CDC42BPB: variants seen among roughly 807,000 people sequenced by gnomAD.
The protein encoded by CDC42BPB is CDC42 binding protein kinase beta, also known as serine/threonine-protein kinase MRCK beta.
CDC42BPB carries 37 observed loss-of-function variants against 214.9 expected under a neutral mutation model. That is an observed-to-expected ratio of 0.17 (90% CI 0.13 to 0.23). The LOEUF (loss-of-function observed/expected upper bound fraction) is 0.23, where lower values mean the gene tolerates loss of function less well. Among genes scored for constraint, CDC42BPB ranks in the 10% least tolerant of loss-of-function variants. The probability of loss-of-function intolerance (pLI) is 1.00; values close to 1 mark genes in which losing one functional copy is unlikely to be tolerated. For synonymous variants in CDC42BPB, 931 were observed against 884.0 expected, an observed-to-expected ratio of 1.05 and a Z score of -0.94; for missense variants, 1,694 against 2,227.0, an observed-to-expected ratio of 0.76 and a Z score of 4.82.
chr14:103,043,261 CAAAT>C (rs1888109112), intron 1 of CDC42BPB, among the ~76,000 whole-genome samples: 4 of 152,140 alleles, frequency 2.6e-5, no homozygotes, highest in South Asian at 2.1e-4. Flanking sequence ...ACAAAAACAC[CAAAT>C]AAATAAACAA....
intron 25 of CDC42BPB, 92 bp downstream of exon 25, chr14:102,950,374 C>A: frequency 6.6e-7 from 1 of 1,514,844 alleles, no homozygotes. Context: ...CCTGCCGCAG[C>A]AAGGGGCTGC....
At chr14:103,021,183 G>T (rs1055409306) in intron 1 of CDC42BPB, among the ~76,000 whole-genome samples, 1 of 152,190 alleles carries the variant, frequency 6.6e-6, no homozygotes, top group Non-Finnish European at 1.5e-5. Flanking sequence ...GGATGTGGCC[G>T]CGTGCAGTGG....
intron 5 of CDC42BPB, among the ~76,000 whole-genome samples, chr14:102,999,168 G>A (rs1595126577): frequency 1.1e-4 from 1 of 8,712 alleles, no homozygotes; most frequent in Non-Finnish European, 2.2e-4. Context: ...GGACCCCGGG[G>A]CCCACGTGAG....
intron 5 of CDC42BPB, among the ~76,000 whole-genome samples, chr14:102,996,515 C>A (rs1479638026): frequency 6.6e-6 from 1 of 151,934 alleles, no homozygotes; most frequent in African/African-American, 2.4e-5. Flanking sequence ...AATGTTAAAA[C>A]CTATACTAAC....
chr14:103,022,931 A>C (rs932669228), intron 1 of CDC42BPB, among the ~76,000 whole-genome samples: 12 of 152,032 alleles, frequency 7.9e-5, no homozygotes, highest in African/African-American at 2.9e-4. Flanking sequence ...AGTCCACACC[A>C]GTTCTCTTAA....
intron 1 of CDC42BPB, among the ~76,000 whole-genome samples, chr14:103,054,006 A>G (rs1305902364): frequency 1.3e-5 from 2 of 151,722 alleles, no homozygotes; most frequent in Non-Finnish European, 2.9e-5. Flanking sequence ...ATGCCCAGCT[A>G]ATTTTTATAT....
At chr14:102,986,275 G>A in intron 6 of CDC42BPB, 1 of 492,986 alleles carries the variant, frequency 2.0e-6, no homozygotes, top group Non-Finnish European at 3.7e-6. Context: ...TATTACTTTT[G>A]TAAACATAAA....
intron 28 of CDC42BPB, 23 bp from the exon 29 acceptor site, chr14:102,945,747 C>T (rs776208072): frequency 1.2e-6 from 2 of 1,610,772 alleles, no homozygotes; most frequent in Non-Finnish European, 1.7e-6. Flanking sequence ...AAGTAACATA[C>T]ACAAAGTCAG....
rs900057276 is a variant in CDC42BPB at position 102,974,689 on chromosome 14, G to A, written c.1508-540C>T. On this transcript the variant is annotated intron_variant, in intron 11 of 36. Coordinates refer to ENST00000361246, the MANE Select transcript of CDC42BPB (RefSeq NM_006035.4). ...TGATTGGAGCCAGGCCAGGCGCAGC[G>A]GCTCACGCCTGTAATCCCAGCACTT... 8.5e-5 allele frequency among the ~76,000 whole-genome samples: 13 copies of A among 152,214 alleles called. No homozygotes were observed. The South Asian group carries it at 1.0e-3, about 12-fold the overall frequency.
chr14:102,978,405 T>C (rs1200591268), intron 8 of CDC42BPB, 200 bp from the exon 9 acceptor site: 2 of 889,230 alleles, frequency 2.2e-6, no homozygotes, highest in Non-Finnish European at 2.7e-6. Flanking sequence ...GTACGCTGTA[T>C]GTACAATAAA....
chr14:103,035,689 A>C (rs1243252857), intron 1 of CDC42BPB, among the ~76,000 whole-genome samples: 1 of 151,982 alleles, frequency 6.6e-6, no homozygotes. Flanking sequence ...AAATACAAAA[A>C]ACTAGCTGGA....
At chr14:103,020,383 C>T (rs533357636) in intron 1 of CDC42BPB, among the ~76,000 whole-genome samples, 3 of 152,176 alleles carry the variant, frequency 2.0e-5, no homozygotes, top group African/African-American at 7.2e-5. Flanking sequence ...GCTACCACTC[C>T]GTCCCTTCAA....
intron 1 of CDC42BPB, among the ~76,000 whole-genome samples, chr14:103,040,383 T>C (rs1409758444): frequency 2.0e-5 from 3 of 152,128 alleles, no homozygotes; most frequent in Non-Finnish European, 4.4e-5. Context: ...GCAAACTTTA[T>C]GTATTTTTAC....
At chr14:103,045,612 C>T (rs1401828466) in intron 1 of CDC42BPB, among the ~76,000 whole-genome samples, 3 of 152,172 alleles carry the variant, frequency 2.0e-5, no homozygotes, top group Non-Finnish European at 4.4e-5. Flanking sequence ...TGTACAGCCA[C>T]GAGAGAAAAA....
chr14:102,945,209 C>G, intron 29 of CDC42BPB: 1 of 457,390 alleles, frequency 2.2e-6, no homozygotes, highest in Non-Finnish European at 4.4e-6. Context: ...GGATGCTCCC[C>G]TGGGCCCCTG....
At chr14:103,011,688 T>A (rs1250561347) in intron 2 of CDC42BPB, among the ~76,000 whole-genome samples, 1 of 151,966 alleles carries the variant, frequency 6.6e-6, no homozygotes, top group Non-Finnish European at 1.5e-5. Context: ...AGGTTGCCGT[T>A]AGCCAAGATC....
chr14:102,961,362 T>C (rs1892951260), intron 20 of CDC42BPB, among the ~76,000 whole-genome samples: 1 of 151,420 alleles, frequency 6.6e-6, no homozygotes, highest in Non-Finnish European at 1.5e-5. Flanking sequence ...ACAGACGGAA[T>C]CTGGCTCTGT....
In CDC42BPB at chr14:102,967,173, G is replaced by A. The variant is rs1893247512; in HGVS notation, c.2347-3C>T. The stretch of plus-strand genomic sequence containing the variant: ...AGTTTATCCACAAAGGAACAGAGCT[G>A]AAATGAAACAATTTCACCACAGAAC... On this transcript the variant is annotated splice_region_variant and splice_polypyrimidine_tract_variant and intron_variant, in intron 16 of 36. Coordinates refer to ENST00000361246, the MANE Select transcript of CDC42BPB (RefSeq NM_006035.4). The A allele has an allele frequency of 6.2e-7, 1 of 1,609,664 alleles. No homozygotes were observed. The highest frequency in any genetic ancestry group is 8.5e-7 in the Non-Finnish European group (1 of 1,176,438).
chr14:102,975,158 A>G (rs1467884857), intron 11 of CDC42BPB, among the ~76,000 whole-genome samples: 1 of 152,226 alleles, frequency 6.6e-6, no homozygotes, highest in Non-Finnish European at 1.5e-5. Context: ...AGCAGAAAAT[A>G]GCCAGAGAAC....
Sources: gnomAD v4.1 joint callset for allele counts (sites outside exome capture counted in the v4.1 genomes callset) on GRCh38, gnomAD v4.1.1 for gene constraint, MANE v1.5 for transcripts, NCBI Gene and HGNC (gene_info 2026-07-23, HGNC 2026-07-21) for gene names.